The following ZNF717 variants were observed in gnomAD, a reference collection of about 807,000 sequenced individuals.
ZNF717 encodes the protein krueppel-like factor X17.
ZNF717 carries 9 observed loss-of-function variants against 13.8 expected under a neutral mutation model. The observed-to-expected ratio is 0.65, with a 90% CI of 0.39 to 1.14. The LOEUF (loss-of-function observed/expected upper bound fraction) is 1.14. Among genes scored for constraint, ZNF717 ranks in the 50% most tolerant of loss-of-function variants. The pLI is 0.01. For missense variants in ZNF717, 1,040 were observed against 1,080.7 expected, an observed-to-expected ratio of 0.96 and a Z score of 0.53; for synonymous variants, 327 against 364.1, an observed-to-expected ratio of 0.90 and a Z score of 1.16.
At chr3:75,764,861 A>G (rs1943308956) in intron 2 of ZNF717, among the ~76,000 whole-genome samples, 1 of 152,018 alleles carries the variant, frequency 6.6e-6, no homozygotes, top group African/African-American at 2.4e-5. Flanking sequence ...CAACTTCTAC[A>G]GAGAGACAGA....
rs1236118084 is a variant in ZNF717, at chr3:75,712,666, G to C, written n.668-1350C>G. 2.3e-3 allele frequency among the ~76,000 whole-genome samples: 354 copies of C among 152,174 alleles called. 2 individuals are homozygous for C. The highest frequency in any genetic ancestry group is 5.7e-3 in the Admixed American group (87 of 15,280). On this transcript the variant is annotated intron_variant and non_coding_transcript_variant, in intron 5 of 5. Coordinates refer to the ZNF717 transcript ENST00000491507. ...TTTAGGATGAAAATTTACCACACAA[G>C]ATTCTTTGTCATGTGAAATATTTCT...
At chr3:75,728,648 T>C (rs1938350697), downstream of ZNF717, among the ~76,000 whole-genome samples, 3 of 42,334 alleles carry the variant, frequency 7.1e-5, no homozygotes, top group East Asian at 5.2e-4. Flanking sequence ...ATTTCACTCA[T>C]TGTCTGCTTG....
At chr3:75,770,277 C>G (rs1398301391) in intron 2 of ZNF717, among the ~76,000 whole-genome samples, 2 of 152,244 alleles carry the variant, frequency 1.3e-5, no homozygotes, top group Non-Finnish European at 2.9e-5. Flanking sequence ...AAACAAGAAG[C>G]AGGCCGGGCA....
intron 2 of ZNF717, among the ~76,000 whole-genome samples, chr3:75,753,698 T>C (rs543661785): frequency 1.3e-5 from 2 of 151,550 alleles, no homozygotes; most frequent in East Asian, 3.9e-4. Flanking sequence ...TGTTTGTCCC[T>C]CACATAAGAT....
downstream of ZNF717, among the ~76,000 whole-genome samples, chr3:75,707,858 C>G (rs1433335584): frequency 1.3e-5 from 2 of 152,260 alleles, no homozygotes; most frequent in Non-Finnish European, 2.9e-5. Flanking sequence ...ATTGCTAGCA[C>G]AGCAGTCTGA....
intron 4 of ZNF717, among the ~76,000 whole-genome samples, chr3:75,722,008 G>T (rs1938176816): frequency 6.6e-6 from 1 of 151,812 alleles, no homozygotes; most frequent in Non-Finnish European, 1.5e-5. Flanking sequence ...AGCACTTGGG[G>T]AGGCCGAGGC....
chr3:75,776,174 T>C (rs1265266672), intron 2 of ZNF717, among the ~76,000 whole-genome samples: 2 of 152,270 alleles, frequency 1.3e-5, no homozygotes, highest in Non-Finnish European at 2.9e-5. Flanking sequence ...TCTTAAGTCC[T>C]TAAAGCTTCT....
In ZNF717 at chr3:75,785,428, C is replaced by G. The variant is rs1014992233; in HGVS notation, c.-47G>C. Reference sequence around the variant, plus strand: ...CGCCCGCGATGCGCCCACGCGTCTGCTCCCACAACTGGGGAACACTGGTCC... The same window carrying G: ...CGCCCGCGATGCGCCCACGCGTCTGGTCCCACAACTGGGGAACACTGGTCC... On this transcript the variant is annotated 5_prime_UTR_variant, in exon 1 of 5. Coordinates refer to ENST00000652011, the MANE Select transcript of ZNF717 (RefSeq NM_001290208.3). 3 of 153,050 alleles carry G rather than the reference C, an allele frequency of 2.0e-5. No individual in the cohort carries two copies. Among genetic ancestry groups the G allele is most frequent in the Admixed American group, 6.5e-5 (1 of 15,322 alleles). 9.5% of individuals were successfully genotyped at this position (153,050 alleles called of 1,614,324 possible).
chr3:75,704,439 G>T, intron 6 of ZNF717, among the ~76,000 whole-genome samples: 1 of 152,226 alleles, frequency 6.6e-6, no homozygotes, highest in African/African-American at 2.4e-5. Context: ...CCATCTTTTA[G>T]AGTCGTGAAG....
At chr3:75,696,803 G>T (rs1937608629) in intron 6 of ZNF717, among the ~76,000 whole-genome samples, 1 of 151,860 alleles carries the variant, frequency 6.6e-6, no homozygotes, top group South Asian at 2.1e-4. Context: ...TGAAGGAGGA[G>T]AATCACTTGA....
intron 6 of ZNF717, among the ~76,000 whole-genome samples, chr3:75,699,228 T>C (rs1937639120): frequency 6.6e-6 from 1 of 152,312 alleles, no homozygotes; most frequent in Admixed American, 6.5e-5. Context: ...AGCTTTGTCT[T>C]AGATGAGACT....
chr3:75,754,763 T>C (rs1273055862), intron 2 of ZNF717, among the ~76,000 whole-genome samples: 2 of 150,788 alleles, frequency 1.3e-5, no homozygotes, highest in Non-Finnish European at 3.0e-5. Flanking sequence ...GGAGAAGAAA[T>C]AGAAGAAAGA....
Position 75,738,984 on chromosome 3 carries a change from T to C in ZNF717, c.639A>G (p.Glu213=), listed in dbSNP as rs1314630085. The change falls in exon 5 of 5, where the codon GAA becomes GAG. Residue 213 remains glutamate (E), a synonymous_variant. Transcript: ENST00000652011. The stretch of plus-strand genomic sequence containing the variant: ...CCTCCGTGTTGAAGGTTTTCCCTTG[T>C]TCATTACATTGAAAAGTCTGCAGCA... ...QTLLQTFQCN[E]QGKTFNTEAM... 1 of 1,551,490 alleles carries C rather than the reference T, an allele frequency of 6.4e-7. No homozygotes were observed. Among genetic ancestry groups the C allele is most frequent in the African/African-American group, 1.4e-5 (1 of 73,060 alleles).
intron 5 of ZNF717, among the ~76,000 whole-genome samples, chr3:75,713,687 C>T (rs1575717535): frequency 6.6e-6 from 1 of 152,112 alleles, no homozygotes; most frequent in African/African-American, 2.4e-5. Flanking sequence ...ACCAGCCCCA[C>T]AGGGTCTGTG....
chr3:75,761,006 G>A (rs1378535008), intron 2 of ZNF717, among the ~76,000 whole-genome samples: 2 of 152,040 alleles, frequency 1.3e-5, no homozygotes, highest in Admixed American at 1.3e-4. Flanking sequence ...AGACTAATGT[G>A]AGCAAACCAT....
chr3:75,740,572 T>TTG (rs1940263921), intron 4 of ZNF717, among the ~76,000 whole-genome samples: 1 of 4,000 alleles, frequency 2.5e-4, no homozygotes, highest in African/African-American at 7.9e-4. Flanking sequence ...ACTCAGCTAT[T>TTG]TTTTTTTTTT....
chr3:75,696,892 C>CAA (rs142213799), intron 6 of ZNF717, among the ~76,000 whole-genome samples: 2,054 of 51,192 alleles, frequency 0.04, no homozygotes, highest in South Asian at 0.1. Flanking sequence ...GACTTCATCT[C>CAA]AAAAAAAAAA....
At chr3:75,773,161 T>C (rs1368400834) in intron 2 of ZNF717, among the ~76,000 whole-genome samples, 2 of 152,202 alleles carry the variant, frequency 1.3e-5, no homozygotes, top group Non-Finnish European at 2.9e-5. Flanking sequence ...TTTTGTGTTC[T>C]ACCCCATTGT....
At chr3:75,744,654 C>T (rs111761703) in intron 2 of ZNF717, among the ~76,000 whole-genome samples, 6 of 146,962 alleles carry the variant, frequency 4.1e-5, no homozygotes, top group African/African-American at 1.0e-4. Context: ...GAGTTATTGT[C>T]GGGGAGGGGG....
Sources: allele counts gnomAD v4.1 joint callset (sites outside exome capture counted in the v4.1 genomes callset), GRCh38; gene constraint gnomAD v4.1.1; transcripts MANE v1.5; gene names NCBI Gene and HGNC (gene_info 2026-07-23, HGNC 2026-07-21).